The following TMEM255B variants were observed in gnomAD, a reference collection of about 807,000 sequenced individuals.
The protein encoded by TMEM255B is family with sequence similarity 70, member B.
A neutral mutation model predicts 34.5 loss-of-function variants in TMEM255B; 35 were observed. The ratio of observed to expected loss-of-function variants is 1.01; its 90% confidence interval spans 0.77 to 1.34. The LOEUF (loss-of-function observed/expected upper bound fraction) is 1.34. Ranked by LOEUF, TMEM255B falls within the 40% of genes most tolerant of loss-of-function variation. The pLI, the probability that TMEM255B is intolerant of heterozygous loss-of-function variation, is 0.00. For synonymous variants in TMEM255B, 206 were observed against 201.2 expected (o/e 1.02, Z -0.20); for missense variants, 432 against 433.2 (o/e 1.00, Z 0.02).
intron 7 of TMEM255B, among the ~76,000 whole-genome samples, chr13:113,803,998 A>G (rs558901484): frequency 7.5e-3 from 232 of 30,878 alleles, no homozygotes; most frequent in Middle Eastern, 0.043. Flanking sequence ...CGCCTTTGCC[A>G]TCTTCCCCTG....
intron 3 of TMEM255B, among the ~76,000 whole-genome samples, chr13:113,782,584 A>G (rs2050679719): frequency 6.6e-6 from 1 of 150,428 alleles, no homozygotes; most frequent in South Asian, 2.1e-4. Flanking sequence ...GGTTCCGTGG[A>G]CTCACTGGAC....
In TMEM255B at chr13:113,816,047, G is replaced by A. The variant is rs1347639685; in HGVS notation, c.*4144G>A. ...TCGGGGAGGCAAGCGTGTTCGCAGCGTGTTCTGTATGGGGAGAGATGCAGT... is the reference window on the plus strand; with the variant it reads ...TCGGGGAGGCAAGCGTGTTCGCAGCATGTTCTGTATGGGGAGAGATGCAGT... On this transcript the variant is annotated 3_prime_UTR_variant, in exon 9 of 9. Coordinates refer to ENST00000375353, the MANE Select transcript of TMEM255B (RefSeq NM_182614.4). The A allele has an allele frequency of 2.2e-5, 4 of 182,092 alleles. No individual in the cohort carries two copies. The highest frequency in any genetic ancestry group is 1.9e-4 in the East Asian group (1 of 5,326). 11.3% of individuals were successfully genotyped at this position (182,092 alleles called of 1,614,324 possible). A position where few individuals can be genotyped will look rare whatever the true frequency, so the allele number is the denominator to read the frequency against.
intron 3 of TMEM255B, among the ~76,000 whole-genome samples, chr13:113,791,823 C>T (rs548763772): frequency 3.9e-5 from 6 of 152,330 alleles, no homozygotes; most frequent in Non-Finnish European, 5.9e-5. Context: ...TCTTAAGGAG[C>T]GTGTGCAGTG....
intron 8 of TMEM255B, among the ~76,000 whole-genome samples, chr13:113,807,655 C>T (rs372487314): frequency 1.6e-5 from 2 of 126,352 alleles, no homozygotes; most frequent in African/African-American, 3.2e-5. Context: ...CGCAGGCTTA[C>T]GGGATGTGGG....
intron 3 of TMEM255B, among the ~76,000 whole-genome samples, chr13:113,789,984 G>T (rs1021556574): frequency 6.6e-6 from 1 of 150,980 alleles, no homozygotes; most frequent in African/African-American, 2.4e-5. Flanking sequence ...TGGACTGACT[G>T]GGCACGTGGA....
At chr13:113,760,405 GT>G (rs1243532806) in intron 1 of TMEM255B, among the ~76,000 whole-genome samples, 7 of 152,308 alleles carry the variant, frequency 4.6e-5, no homozygotes, top group Non-Finnish European at 8.8e-5. Context: ...ATGCCTTAAT[GT>G]TTAAAAATAG....
chr13:113,793,183 C>T (rs2050860049), intron 3 of TMEM255B, among the ~76,000 whole-genome samples: 3 of 152,346 alleles, frequency 2.0e-5, no homozygotes, highest in African/African-American at 7.2e-5. Context: ...CTTGTGCTGC[C>T]CTTGGGTCTG....
intron 1 of TMEM255B, among the ~76,000 whole-genome samples, chr13:113,762,041 A>G (rs1218827555): frequency 1.3e-5 from 2 of 151,724 alleles, no homozygotes; most frequent in Non-Finnish European, 2.9e-5. Context: ...TTTAATTAAT[A>G]GTTGGGGCAC....
chr13:113,777,693 G>A (rs1189381672), intron 3 of TMEM255B, among the ~76,000 whole-genome samples: 1 of 152,168 alleles, frequency 6.6e-6, no homozygotes, highest in African/African-American at 2.4e-5. Flanking sequence ...CAGGGTCCCC[G>A]CACCAGGTCC....
intron 7 of TMEM255B, among the ~76,000 whole-genome samples, chr13:113,804,455 C>CAA (rs1566330506): frequency 6.6e-6 from 1 of 151,978 alleles, no homozygotes; most frequent in African/African-American, 2.4e-5. Flanking sequence ...TCTCCCCCCC[C>CAA]AAAAAATCAA....
intron 8 of TMEM255B, among the ~76,000 whole-genome samples, chr13:113,810,327 T>TC (rs2051274782): frequency 6.6e-6 from 1 of 151,934 alleles, no homozygotes; most frequent in African/African-American, 2.4e-5. Flanking sequence ...GATTAGAAGT[T>TC]CCCCCTAGAA....
intron 4 of TMEM255B, among the ~76,000 whole-genome samples, chr13:113,795,451 C>T (rs1253310908): frequency 1.3e-5 from 2 of 151,854 alleles, no homozygotes; most frequent in Non-Finnish European, 2.9e-5. Context: ...CCACACAACA[C>T]ACAGAGCACA....
intron 8 of TMEM255B, among the ~76,000 whole-genome samples, chr13:113,807,580 G>A (rs1217786634): frequency 1.8e-4 from 23 of 126,626 alleles, no homozygotes; most frequent in African/African-American, 6.9e-4. Flanking sequence ...CTTACGGGAT[G>A]TGGGGGTGGT....
At chr13:113,782,680 G>GT (rs1364841276) in intron 3 of TMEM255B, among the ~76,000 whole-genome samples, 1 of 151,652 alleles carries the variant, frequency 6.6e-6, no homozygotes, top group East Asian at 1.9e-4. Context: ...GTCGGAGGGG[G>GT]GGGCTTCATT....
intron 8 of TMEM255B, among the ~76,000 whole-genome samples, chr13:113,809,733 A>G (rs2051265378): frequency 6.6e-6 from 1 of 151,176 alleles, no homozygotes; most frequent in Non-Finnish European, 1.5e-5. Context: ...GGTGGTTCCT[A>G]GGGAGTTACT....
chr13:113,793,836 C>T (rs2050873957), intron 3 of TMEM255B, among the ~76,000 whole-genome samples: 1 of 152,230 alleles, frequency 6.6e-6, no homozygotes. Context: ...GGAGGACCCC[C>T]AGCGGGCCTG....
At chr13:113,805,072 G>A in intron 8 of TMEM255B, 44 bp downstream of exon 8, 2 of 1,550,370 alleles carry the variant, frequency 1.3e-6, no homozygotes, top group Non-Finnish European at 1.7e-6. Context: ...GCTGGTCACA[G>A]GCAGTGGGAT....
chr13:113,786,183 A>G (rs927367039), intron 3 of TMEM255B, among the ~76,000 whole-genome samples: 11 of 151,576 alleles, frequency 7.3e-5, no homozygotes, highest in African/African-American at 2.7e-4. Flanking sequence ...AGTCTTTACT[A>G]TCCCCGCTGT....
chr13:113,775,942 G>A (rs1327174829), intron 3 of TMEM255B, among the ~76,000 whole-genome samples: 2 of 152,222 alleles, frequency 1.3e-5, no homozygotes, highest in African/African-American at 2.4e-5. Context: ...CCAGGTGCAC[G>A]TGGCCTGTGG....
Sources: allele counts gnomAD v4.1 joint callset (sites outside exome capture counted in the v4.1 genomes callset), GRCh38; gene constraint gnomAD v4.1.1; transcripts MANE v1.5; gene names NCBI Gene and HGNC (gene_info 2026-07-23, HGNC 2026-07-21).